Variants in LYPLAL1 observed in about 807,000 individuals in gnomAD.
The protein encoded by LYPLAL1 is lysophospholipase-like protein 1.
Under a neutral mutation model 19.7 loss-of-function variants are expected in LYPLAL1, and 23 were observed. That is an observed-to-expected ratio of 1.17 (90% CI 0.84 to 1.65). The LOEUF (loss-of-function observed/expected upper bound fraction) is 1.65, where lower values mean the gene tolerates loss of function less well. Ranked by LOEUF, LYPLAL1 falls within the 40% of genes most tolerant of loss-of-function variation. The pLI, the probability that LYPLAL1 is intolerant of heterozygous loss-of-function variation, is 0.00. For synonymous variants in LYPLAL1, 119 were observed against 96.3 expected (o/e 1.24, Z -1.38); for missense variants, 355 against 279.4 (o/e 1.27, Z -1.93).
chr1:219,350,805 CA>C, the LYPLAL1 span, among the ~76,000 whole-genome samples: 5 of 152,150 alleles, frequency 3.3e-5, no homozygotes, highest in African/African-American at 1.2e-4. Flanking sequence ...GTACTTTTGT[CA>C]AAGAGCTGGA....
the LYPLAL1 span, among the ~76,000 whole-genome samples, chr1:219,282,086 G>A: frequency 6.6e-6 from 1 of 152,330 alleles, no homozygotes; most frequent in Admixed American, 6.5e-5. Flanking sequence ...ATGAATCAGA[G>A]TCAGTGCAGA....
chr1:219,380,240 T>C, the LYPLAL1 span, among the ~76,000 whole-genome samples: 1 of 152,098 alleles, frequency 6.6e-6, no homozygotes, highest in Non-Finnish European at 1.5e-5. Flanking sequence ...TAAATGCCTG[T>C]GAAAACTAAA....
the LYPLAL1 span, among the ~76,000 whole-genome samples, chr1:219,302,773 A>G: frequency 6.6e-6 from 1 of 151,920 alleles, no homozygotes; most frequent in Non-Finnish European, 1.5e-5. Context: ...TGGGATGCCC[A>G]CTTTTTCACA....
At chr1:219,431,531 T>C in the LYPLAL1 span, among the ~76,000 whole-genome samples, 1 of 152,226 alleles carries the variant, frequency 6.6e-6, no homozygotes, top group South Asian at 2.1e-4. Flanking sequence ...TGGGCTCTGA[T>C]GAAGGTGACG....
the LYPLAL1 span, among the ~76,000 whole-genome samples, chr1:219,382,687 C>G: frequency 4.6e-5 from 7 of 152,236 alleles, no homozygotes; most frequent in Admixed American, 2.0e-4. Context: ...TTTTAAATAC[C>G]CTTATACTTT....
chr1:219,192,532 A>C (rs1028130489), intron 2 of LYPLAL1, among the ~76,000 whole-genome samples: 1 of 150,856 alleles, frequency 6.6e-6, no homozygotes, highest in Non-Finnish European at 1.5e-5. Context: ...CTTCTGTGCA[A>C]CTCTTCCGTT....
the LYPLAL1 span, among the ~76,000 whole-genome samples, chr1:219,342,166 C>T: frequency 6.6e-6 from 1 of 152,036 alleles, no homozygotes; most frequent in Non-Finnish European, 1.5e-5. Context: ...CTTACATTGA[C>T]CCACTAGCTG....
At chr1:219,425,793 C>A in the LYPLAL1 span, among the ~76,000 whole-genome samples, 2 of 152,128 alleles carry the variant, frequency 1.3e-5, no homozygotes, top group African/African-American at 2.4e-5. Context: ...TACAAAGATA[C>A]CATATTCTAT....
At chr1:219,393,472 G>A in the LYPLAL1 span, among the ~76,000 whole-genome samples, 1 of 152,104 alleles carries the variant, frequency 6.6e-6, no homozygotes, top group East Asian at 1.9e-4. Flanking sequence ...GGGTGACTTT[G>A]GGGGTAGGAA....
At chr1:219,406,179 A>G in the LYPLAL1 span, among the ~76,000 whole-genome samples, 1 of 152,248 alleles carries the variant, frequency 6.6e-6, no homozygotes, top group Non-Finnish European at 1.5e-5. Flanking sequence ...ATTATTATGC[A>G]AACAATTTTC....
the LYPLAL1 span, among the ~76,000 whole-genome samples, chr1:219,419,152 C>T: frequency 6.6e-6 from 1 of 152,280 alleles, no homozygotes; most frequent in East Asian, 1.9e-4. Flanking sequence ...AGTTCTCAAC[C>T]CCTTAGGGTA....
At chr1:219,186,484 G>A (rs11811349) in intron 2 of LYPLAL1, among the ~76,000 whole-genome samples, 7,292 of 151,584 alleles carry the variant, frequency 0.048, 309 homozygotes, top group African/African-American at 0.12. Context: ...TTCTCTTTAT[G>A]TATTTTTAGG....
chr1:219,284,042 T>C, the LYPLAL1 span, among the ~76,000 whole-genome samples: 1 of 152,212 alleles, frequency 6.6e-6, no homozygotes, highest in East Asian at 1.9e-4. Flanking sequence ...CTCCATGCTA[T>C]GTGCATGATA....
At chr1:219,205,438 G>A (rs1474898918) in intron 3 of LYPLAL1, among the ~76,000 whole-genome samples, 1 of 150,374 alleles carries the variant, frequency 6.7e-6, no homozygotes, top group Non-Finnish European at 1.5e-5. Context: ...ATAAAATTTT[G>A]TAATTCTGTA....
chr1:219,340,079 G>GA, the LYPLAL1 span, among the ~76,000 whole-genome samples: 95 of 151,896 alleles, frequency 6.3e-4, no homozygotes, highest in African/African-American at 2.1e-3. Context: ...ATGTGCTGAT[G>GA]AAAAAAATGT....
chr1:219,188,513 A>G (rs1223568498), intron 2 of LYPLAL1, among the ~76,000 whole-genome samples: 3 of 151,710 alleles, frequency 2.0e-5, no homozygotes, highest in East Asian at 1.9e-4. Context: ...GGAAGTGACA[A>G]ATGTGACTGG....
chr1:219,291,124 C>A, the LYPLAL1 span, among the ~76,000 whole-genome samples: 33 of 152,188 alleles, frequency 2.2e-4, no homozygotes, highest in Middle Eastern at 3.4e-3. Flanking sequence ...TGGTATATAG[C>A]AAGTATCAAA....
the LYPLAL1 span, among the ~76,000 whole-genome samples, chr1:219,245,856 CA>C: frequency 6.6e-6 from 1 of 152,130 alleles, no homozygotes; most frequent in Non-Finnish European, 1.5e-5. Flanking sequence ...CGACCCATTT[CA>C]GTGGCTTCTG....
At chr1:219,194,061 A>G (rs1362847298) in intron 3 of LYPLAL1, among the ~76,000 whole-genome samples, 2 of 151,898 alleles carry the variant, frequency 1.3e-5, no homozygotes, top group Admixed American at 1.3e-4. Flanking sequence ...GAAGTGCTGA[A>G]CTGTCTGTTG....
Sources: gnomAD v4.1 joint callset for allele counts (sites outside exome capture counted in the v4.1 genomes callset) on GRCh38, gnomAD v4.1.1 for gene constraint, MANE v1.5 for transcripts, NCBI Gene and HGNC (gene_info 2026-07-23, HGNC 2026-07-21) for gene names.